Variants in C2CD3 observed in about 807,000 individuals in gnomAD.
The protein encoded by C2CD3 is C2 domain-containing protein 3.
In C2CD3, 148 loss-of-function variants were observed where a neutral mutation model predicts 234.0. That is an observed-to-expected ratio of 0.63 (90% CI 0.55 to 0.72). C2CD3 has a LOEUF of 0.72. C2CD3 is among the 30% of genes least tolerant of loss of function. The probability of loss-of-function intolerance (pLI) is 0.00; values close to 1 mark genes in which losing one functional copy is unlikely to be tolerated. For synonymous variants in C2CD3, 1,000 were observed against 1,035.4 expected (o/e 0.97, Z 0.66); for missense variants, 2,577 against 2,811.5 (o/e 0.92, Z 1.89).
At chr11:74,068,485 G>A (rs1321989443) in intron 24 of C2CD3, among the ~76,000 whole-genome samples, 3 of 152,150 alleles carry the variant, frequency 2.0e-5, no homozygotes, top group African/African-American at 7.2e-5. Context: ...CAGGGTTAGA[G>A]AGAGGAGTTG....
intron 24 of C2CD3, among the ~76,000 whole-genome samples, chr11:74,067,816 A>G (rs1020315776): frequency 2.6e-5 from 4 of 152,042 alleles, no homozygotes; most frequent in Non-Finnish European, 5.9e-5. Context: ...CATTTCTCGG[A>G]CTCTTTTGCA....
chr11:74,058,911 G>A (rs1448622944), intron 24 of C2CD3, among the ~76,000 whole-genome samples: 2 of 152,082 alleles, frequency 1.3e-5, no homozygotes, highest in East Asian at 3.9e-4. Flanking sequence ...AGCCACATGG[G>A]GCTAGTGGCT....
chr11:74,071,481 G>C (rs1253604008), intron 24 of C2CD3, among the ~76,000 whole-genome samples: 1 of 152,204 alleles, frequency 6.6e-6, no homozygotes, highest in African/African-American at 2.4e-5. Flanking sequence ...GTATAGACCT[G>C]CCCATCTGGT....
intron 7 of C2CD3, 46 bp from the exon 8 acceptor site, chr11:74,123,181 C>G (rs1284860913): frequency 1.4e-6 from 2 of 1,439,586 alleles, no homozygotes. Flanking sequence ...ATAGAAGTTT[C>G]AGCTGAACTA....
chr11:74,161,740 T>C (rs1856486121), intron 2 of C2CD3, among the ~76,000 whole-genome samples, 184 bp from the exon 3 acceptor site: 1 of 152,032 alleles, frequency 6.6e-6, no homozygotes, highest in Non-Finnish European at 1.5e-5. Flanking sequence ...GCTAATAGGA[T>C]GGTTAACTGG....
chr11:74,032,082 T>C (rs1952542260), intron 31 of C2CD3, among the ~76,000 whole-genome samples: 1 of 152,184 alleles, frequency 6.6e-6, no homozygotes, highest in Non-Finnish European at 1.5e-5. Flanking sequence ...ACCAATCCCT[T>C]CTCTGTGTAG....
intron 32 of C2CD3, among the ~76,000 whole-genome samples, chr11:74,016,425 C>T (rs1233774675): frequency 6.6e-6 from 1 of 152,202 alleles, no homozygotes. Context: ...TGGGCCATAT[C>T]TGCCCTGGAG....
At chr11:74,110,082 A>AAAATAAATAAATAAAT (rs56925936) in intron 11 of C2CD3, among the ~76,000 whole-genome samples, 20 of 144,546 alleles carry the variant, frequency 1.4e-4, no homozygotes, top group African/African-American at 5.3e-4. Flanking sequence ...CTCTGTCTCA[A>AAAATAAATAAATAAAT]AAATAAATAA....
At chr11:74,104,525 G>T (rs1263398755) in intron 13 of C2CD3, among the ~76,000 whole-genome samples, 1 of 151,944 alleles carries the variant, frequency 6.6e-6, no homozygotes, top group Non-Finnish European at 1.5e-5. Context: ...TATGGGGGGA[G>T]GAGATAAAGG....
chr11:74,013,407 G>C lies in C2CD3; in HGVS notation c.7040C>G (p.Ser2347Cys), dbSNP rs889811756. Reference protein sequence around the residue: ...ETLRIARIFSSQYSQKD With the variant: ...ETLRIARIFSCQYSQKD ...GCGTCAGTCTTTCTGGGAGTACTGA[G>C]AAGAAAATATCCGTGCAATCCTGAG... Residue 2347 changes from serine (S) to cysteine (C), a missense_variant, in exon 33 of 33, where the codon TCT (serine) becomes TGT (cysteine). By Grantham distance (112) the Ser-to-Cys change is moderately radical. Transcript: ENST00000334126. 8.1e-7 allele frequency: 1 copy of C among 1,239,912 alleles called. No individual in the cohort carries two copies. The highest frequency in any genetic ancestry group is 1.1e-6 in the Non-Finnish European group (1 of 940,150). The allele number at this position is 1,239,912 out of a possible 1,614,324, so 76.8% of individuals were successfully genotyped here. A position where few individuals can be genotyped will look rare whatever the true frequency, so the allele number is the denominator to read the frequency against.
intron 28 of C2CD3, among the ~76,000 whole-genome samples, chr11:74,044,069 T>C (rs1340086343): frequency 6.6e-6 from 1 of 152,030 alleles, no homozygotes; most frequent in East Asian, 2.0e-4. Flanking sequence ...CTTGACCTCC[T>C]GAGTTCAAGC....
chr11:74,099,284 T>C (rs1420500626), intron 15 of C2CD3, among the ~76,000 whole-genome samples: 1 of 152,232 alleles, frequency 6.6e-6, no homozygotes, highest in Non-Finnish European at 1.5e-5. Context: ...ATCCATGTAT[T>C]TTCTCTCTAG....
intron 3 of C2CD3, among the ~76,000 whole-genome samples, chr11:74,152,924 C>T (rs943375177): frequency 7.1e-4 from 108 of 152,290 alleles, no homozygotes; most frequent in African/African-American, 2.5e-3. Context: ...CTATATCTAA[C>T]ATCACATTTA....
chr11:74,074,171 T>C, intron 24 of C2CD3, 82 bp downstream of exon 24: 1 of 928,354 alleles, frequency 1.1e-6, no homozygotes, highest in South Asian at 1.7e-5. Context: ...TAACAGATCC[T>C]GCCATGATTT....
At chr11:74,158,485 G>A (rs1856189602) in intron 3 of C2CD3, among the ~76,000 whole-genome samples, 1 of 152,166 alleles carries the variant, frequency 6.6e-6, no homozygotes, top group Admixed American at 6.5e-5. Context: ...CACTTTGGGA[G>A]GCCAAGGCGG....
intron 3 of C2CD3, among the ~76,000 whole-genome samples, chr11:74,158,458 C>T (rs1856185665): frequency 6.6e-6 from 1 of 152,082 alleles, no homozygotes; most frequent in African/African-American, 2.4e-5. Context: ...CGTGGTGGCT[C>T]ACATCTATAA....
intron 13 of C2CD3, 131 bp downstream of exon 13, chr11:74,106,240 C>A (rs1298188708): frequency 2.5e-6 from 2 of 799,518 alleles, no homozygotes; most frequent in African/African-American, 3.5e-5. Context: ...AGTACTTCCA[C>A]TGCTCTATTT....
chr11:74,076,163 T>C (rs1164698828), intron 23 of C2CD3, among the ~76,000 whole-genome samples: 4 of 152,194 alleles, frequency 2.6e-5, no homozygotes, highest in African/African-American at 9.6e-5. Flanking sequence ...TTGAAGGGAC[T>C]CTAGGCCTGC....
intron 21 of C2CD3, 117 bp downstream of exon 21, chr11:74,085,501 G>T: frequency 1.0e-6 from 1 of 987,958 alleles, no homozygotes; most frequent in Non-Finnish European, 1.5e-6. Context: ...GAAATAAGTT[G>T]CAGAGATTAT....
Sources: gnomAD v4.1 joint callset for allele counts (sites outside exome capture counted in the v4.1 genomes callset) on GRCh38, gnomAD v4.1.1 for gene constraint, MANE v1.5 for transcripts, NCBI Gene and HGNC (gene_info 2026-07-23, HGNC 2026-07-21) for gene names.